LMBR1: variants seen among roughly 807,000 people sequenced by gnomAD.
LMBR1 encodes the protein limb development membrane protein 1.
LMBR1 carries 52 observed loss-of-function variants against 73.9 expected under a neutral mutation model. The ratio of observed to expected loss-of-function variants is 0.70; its 90% CI spans 0.56 to 0.89. The LOEUF is 0.89. LMBR1 is among the 40% of genes least tolerant of loss of function. The pLI, the probability that LMBR1 is intolerant of heterozygous loss-of-function variation, is 0.00. For missense variants in LMBR1, 539 were observed against 579.8 expected, an observed-to-expected ratio of 0.93 and a Z score of 0.72; for synonymous variants, 215 against 209.4, an observed-to-expected ratio of 1.03 and a Z score of -0.23.
At chr7:156,828,991 A>G (rs1836184168) in intron 3 of LMBR1, among the ~76,000 whole-genome samples, 1 of 152,188 alleles carries the variant, frequency 6.6e-6, no homozygotes, top group South Asian at 2.1e-4. Context: ...CTAGCTCATT[A>G]GACGCCCCTT....
intron 1 of LMBR1, among the ~76,000 whole-genome samples, chr7:156,861,723 A>G (rs1797746479): frequency 6.6e-6 from 1 of 152,144 alleles, no homozygotes; most frequent in Non-Finnish European, 1.5e-5. Context: ...AGATACCCTA[A>G]ATCATCTCTC....
chr7:156,816,965 G>A (rs969140021), intron 4 of LMBR1, among the ~76,000 whole-genome samples: 4 of 152,038 alleles, frequency 2.6e-5, no homozygotes, highest in African/African-American at 7.2e-5. Context: ...CTTTAGAAAG[G>A]TAAAATTACA....
At chr7:156,781,840 A>G (rs530951265) in intron 5 of LMBR1, among the ~76,000 whole-genome samples, 3 of 152,184 alleles carry the variant, frequency 2.0e-5, no homozygotes, top group Non-Finnish European at 2.9e-5. Context: ...TGCATAACAT[A>G]AAGTTCACCA....
Position 156,704,442 on chromosome 7 carries a change from A to G in LMBR1, c.1226-16251T>C, listed in dbSNP as rs559283059. On this transcript the variant is annotated intron_variant, in intron 15 of 16. Transcript: ENST00000353442. ...AACACATCATGGTCACATAGTCAAG[A>G]AAAAAAGTCCCCTCCCAATGAAAGT... is the stretch of plus-strand genomic sequence containing the variant. Among the ~76,000 whole-genome samples, 18 of 152,176 alleles carry G rather than the reference A, an allele frequency of 1.2e-4. No individual in the cohort carries two copies. The East Asian group carries it at 3.3e-3, about 28-fold the overall frequency.
intron 15 of LMBR1, among the ~76,000 whole-genome samples, chr7:156,717,402 T>G (rs1813459526): frequency 1.3e-5 from 2 of 151,628 alleles, no homozygotes; most frequent in African/African-American, 2.4e-5. Flanking sequence ...TAGCTTAGGG[T>G]GGGTGGTGGT....
chr7:156,759,942 C>A (rs1287362343), intron 8 of LMBR1, among the ~76,000 whole-genome samples: 2 of 152,086 alleles, frequency 1.3e-5, no homozygotes, highest in African/African-American at 4.8e-5. Flanking sequence ...GGCATATGAG[C>A]CAGAGTGGCA....
At chr7:156,725,651 G>C (rs1815584862) in intron 13 of LMBR1, 113 bp downstream of exon 13, 7 of 1,228,540 alleles carry the variant, frequency 5.7e-6, no homozygotes, top group Non-Finnish European at 8.1e-6. Context: ...GCTTGAGGAA[G>C]ACTAACCTGT....
intron 5 of LMBR1, among the ~76,000 whole-genome samples, chr7:156,789,274 G>A (rs913859942): frequency 1.3e-5 from 2 of 151,604 alleles, no homozygotes; most frequent in Non-Finnish European, 2.9e-5. Flanking sequence ...TTAATGTTTC[G>A]GTTGCTTTAG....
intron 15 of LMBR1, among the ~76,000 whole-genome samples, chr7:156,689,249 C>T (rs1211344246): frequency 1.3e-5 from 2 of 151,604 alleles, no homozygotes; most frequent in African/African-American, 4.9e-5. Flanking sequence ...CAACATTCTT[C>T]AAGGAAAAAA....
At chr7:156,687,062 C>T (rs1485615186) in intron 16 of LMBR1, among the ~76,000 whole-genome samples, 1 of 152,168 alleles carries the variant, frequency 6.6e-6, no homozygotes, top group Non-Finnish European at 1.5e-5. Context: ...ATCTTTTGTG[C>T]CTCCCAAAGG....
intron 5 of LMBR1, among the ~76,000 whole-genome samples, chr7:156,792,790 T>C (rs1469498923): frequency 1.3e-5 from 2 of 152,014 alleles, no homozygotes; most frequent in Non-Finnish European, 2.9e-5. Context: ...CTCGGCACAA[T>C]ATGCAAGAAG....
chr7:156,888,686 G>A lies in LMBR1; in HGVS notation c.66+4242C>T, dbSNP rs112968420. Among the ~76,000 whole-genome samples the A allele has an allele frequency of 1.0e-3, 155 of 152,264 alleles. 2 individuals are homozygous for A. Among genetic ancestry groups the A allele is most frequent in the Middle Eastern group, 3.4e-3 (1 of 294 alleles). Reference sequence around the variant, plus strand: ...TAATCCCAGCACTTTGGGAGGCCAGGGTGGGTGCATCACTTGAGGCCAGGA... The same window carrying A: ...TAATCCCAGCACTTTGGGAGGCCAGAGTGGGTGCATCACTTGAGGCCAGGA... On this transcript the variant is annotated intron_variant, in intron 1 of 16. Transcript: ENST00000353442.
At position 156,681,835 on chromosome 7, in the gene LMBR1, T is replaced by C. The variant is rs540488086; in HGVS notation, c.*2243A>G. On this transcript the variant is annotated 3_prime_UTR_variant, in exon 17 of 17. Coordinates refer to ENST00000353442, the MANE Select transcript of LMBR1 (RefSeq NM_022458.4). ...CCAGAGCGACTGTCCTTACCAGGAC[T>C]CAGAACGTTTGGCCTCCGTATTCTG... is the stretch of plus-strand genomic sequence containing the variant. The C allele has an allele frequency of 6.6e-6, 1 of 152,290 alleles. No individual in the cohort carries two copies. The highest frequency in any genetic ancestry group is 2.4e-5 in the African/African-American group (1 of 41,466). 9.4% of individuals were successfully genotyped at this position (152,290 alleles called of 1,614,324 possible). A position where few individuals can be genotyped will look rare whatever the true frequency, so the allele number is the denominator to read the frequency against.
intron 1 of LMBR1, chr7:156,892,662 A>T: frequency 4.2e-6 from 1 of 236,558 alleles, no homozygotes; most frequent in Non-Finnish European, 7.9e-6. Flanking sequence ...GCTCGAACGG[A>T]GGGAGCGCGA....
chr7:156,854,902 T>C (rs1221600359), intron 1 of LMBR1, among the ~76,000 whole-genome samples: 1 of 152,242 alleles, frequency 6.6e-6, no homozygotes, highest in Non-Finnish European at 1.5e-5. Context: ...GGGGAAATTA[T>C]ACCCTCTGAA....
chr7:156,856,545 AC>A (rs1796997725), intron 1 of LMBR1, among the ~76,000 whole-genome samples: 1 of 151,918 alleles, frequency 6.6e-6, no homozygotes, highest in Non-Finnish European at 1.5e-5. Context: ...ACATCGAGAA[AC>A]CCCATCTCTA....
chr7:156,889,425 CAGAA>C (rs1350700393), intron 1 of LMBR1, among the ~76,000 whole-genome samples: 1 of 152,082 alleles, frequency 6.6e-6, no homozygotes, highest in Non-Finnish European at 1.5e-5. Flanking sequence ...GTAGCAAAAT[CAGAA>C]AGAATTGAAT....
chr7:156,849,815 TAATGTA>T (rs1795999871), intron 1 of LMBR1, among the ~76,000 whole-genome samples: 1 of 152,114 alleles, frequency 6.6e-6, no homozygotes, highest in Non-Finnish European at 1.5e-5. Context: ...GAGTGAACAC[TAATGTA>T]AACTATGGAA....
chr7:156,748,142 T>G (rs1268348706), intron 9 of LMBR1, among the ~76,000 whole-genome samples: 5 of 152,188 alleles, frequency 3.3e-5, no homozygotes, highest in South Asian at 2.1e-4. Flanking sequence ...TTTTTACTTC[T>G]GACATATCCA....
Sources: allele counts gnomAD v4.1 joint callset (sites outside exome capture counted in the v4.1 genomes callset), GRCh38; gene constraint gnomAD v4.1.1; transcripts MANE v1.5; gene names NCBI Gene and HGNC (gene_info 2026-07-23, HGNC 2026-07-21).